TTLL11: variants seen among roughly 807,000 people sequenced by gnomAD.
The protein encoded by TTLL11 is tubulin polyglutamylase TTLL11.
A neutral mutation model predicts 51.7 loss-of-function variants in TTLL11; 42 were observed. The ratio of observed to expected loss-of-function variants is 0.81; its 90% confidence interval spans 0.64 to 1.05. The LOEUF (loss-of-function observed/expected upper bound fraction) is 1.05, where lower values mean the gene tolerates loss of function less well. Ranked by LOEUF, TTLL11 falls within the 50% of genes least tolerant of loss-of-function variation. TTLL11 has a pLI of 0.00. For missense variants in TTLL11, 799 were observed against 940.4 expected, an observed-to-expected ratio of 0.85 and a Z score of 1.97; for synonymous variants, 381 against 383.5, an observed-to-expected ratio of 0.99 and a Z score of 0.08.
intron 3 of TTLL11, among the ~76,000 whole-genome samples, chr9:122,020,969 T>C (rs893555854): frequency 2.6e-5 from 4 of 152,238 alleles, no homozygotes; most frequent in Non-Finnish European, 5.9e-5. Context: ...GTAGTCTAGA[T>C]AAAAACACTC....
At chr9:122,020,031 T>C (rs1265174842) in intron 3 of TTLL11, among the ~76,000 whole-genome samples, 2 of 152,208 alleles carry the variant, frequency 1.3e-5, no homozygotes, top group Non-Finnish European at 2.9e-5. Flanking sequence ...TTAAACCTCT[T>C]TTTCTTCATA....
intron 6 of TTLL11, among the ~76,000 whole-genome samples, chr9:121,915,433 T>C (rs1840287649): frequency 6.6e-6 from 1 of 152,226 alleles, no homozygotes; most frequent in African/African-American, 2.4e-5. Context: ...CCAAAGTTAG[T>C]TCCGCTTTCT....
At chr9:121,965,903 A>C (rs879014072) in intron 6 of TTLL11, among the ~76,000 whole-genome samples, 3 of 152,170 alleles carry the variant, frequency 2.0e-5, no homozygotes, top group Admixed American at 1.3e-4. Flanking sequence ...CAGCCACAAA[A>C]CAGAGTCCAC....
chr9:122,021,852 A>G (rs1221665241), intron 3 of TTLL11, among the ~76,000 whole-genome samples: 2 of 152,218 alleles, frequency 1.3e-5, no homozygotes, highest in Non-Finnish European at 2.9e-5. Context: ...AGAAAAATCA[A>G]AACCAACTCA....
chr9:121,888,696 A>AG (rs1334928026), intron 6 of TTLL11, among the ~76,000 whole-genome samples: 4 of 152,242 alleles, frequency 2.6e-5, no homozygotes, highest in East Asian at 1.9e-4. Context: ...AACTACGAGC[A>AG]GGGGGGTGCT....
intron 6 of TTLL11, among the ~76,000 whole-genome samples, chr9:121,895,906 TTGTG>T (rs1380155620): frequency 0.012 from 9 of 740 alleles, no homozygotes; most frequent in Admixed American, 0.061. Context: ...GTGTGTCCCT[TTGTG>T]TGGATGTGTG....
At chr9:121,983,246 A>T (rs895580270) in intron 4 of TTLL11, among the ~76,000 whole-genome samples, 1 of 152,228 alleles carries the variant, frequency 6.6e-6, no homozygotes, top group Admixed American at 6.5e-5. Context: ...TTGTTTACTG[A>T]AACAGTAAAG....
intron 4 of TTLL11, among the ~76,000 whole-genome samples, chr9:121,979,374 CATGTATACTGCGAG>C (rs1391121901): frequency 1.3e-5 from 2 of 152,310 alleles, no homozygotes; most frequent in African/African-American, 4.8e-5. Flanking sequence ...ATTCCTGATC[CATGTATACTGCGAG>C]ATAGTGGGTA....
intron 1 of TTLL11, among the ~76,000 whole-genome samples, chr9:122,060,676 T>C (rs1048022705): frequency 1.3e-5 from 2 of 152,206 alleles, no homozygotes; most frequent in Non-Finnish European, 1.5e-5. Flanking sequence ...CCAGGTCTTG[T>C]GCAAACCACT....
chr9:121,830,536 T>C (rs1041964110), intron 8 of TTLL11, among the ~76,000 whole-genome samples: 1 of 152,214 alleles, frequency 6.6e-6, no homozygotes, highest in African/African-American at 2.4e-5. Flanking sequence ...GGGCTAAAAA[T>C]GTCTACATTT....
At chr9:122,025,158 TA>T (rs140842000) in intron 3 of TTLL11, among the ~76,000 whole-genome samples, 2,885 of 150,602 alleles carry the variant, frequency 0.019, 46 homozygotes, top group Non-Finnish European at 0.03. Context: ...ACAACCCAAT[TA>T]AAAAAAAATA....
At chr9:122,044,563 A>C (rs1393391898) in intron 1 of TTLL11, among the ~76,000 whole-genome samples, 3 of 152,200 alleles carry the variant, frequency 2.0e-5, no homozygotes, top group African/African-American at 7.2e-5. Context: ...AACTGGTGTG[A>C]GATGGTATCG....
intron 4 of TTLL11, among the ~76,000 whole-genome samples, chr9:121,976,183 A>G (rs1347488309): frequency 2.0e-5 from 3 of 152,210 alleles, no homozygotes; most frequent in Admixed American, 1.3e-4. Context: ...ACCCCTGCAC[A>G]GGTGGAGTTC....
At chr9:122,059,344 T>G (rs1182403685) in intron 1 of TTLL11, among the ~76,000 whole-genome samples, 1 of 152,208 alleles carries the variant, frequency 6.6e-6, no homozygotes, top group African/African-American at 2.4e-5. Flanking sequence ...CTAAGCACTT[T>G]CAATGTATGA....
rs577481897 is a variant in TTLL11, at chr9:121,923,813, A to AT, written c.1481+50195dup. 7.2e-4 allele frequency among the ~76,000 whole-genome samples: 110 copies of AT among 152,010 alleles called. 1 individual carries two copies. The highest frequency in any genetic ancestry group is 2.4e-3 in the African/African-American group (98 of 41,462). ...TTTTCATCCTCAACTGAAAGAATTC[A>AT]TTTTTTTTAACTGCATTTGCTTTTG... On this transcript the variant is annotated intron_variant, in intron 6 of 8. Transcript: ENST00000321582.
intron 3 of TTLL11, among the ~76,000 whole-genome samples, chr9:122,008,211 C>T (rs981975526): frequency 6.6e-6 from 1 of 152,206 alleles, no homozygotes; most frequent in African/African-American, 2.4e-5. Flanking sequence ...ATGTGATGCA[C>T]AATCCAGGAC....
chr9:121,866,381 C>T (rs974880475), intron 7 of TTLL11, among the ~76,000 whole-genome samples: 8 of 152,196 alleles, frequency 5.3e-5, no homozygotes, highest in South Asian at 2.1e-4. Context: ...AAAATCCGGC[C>T]GGGTGCAGTG....
intron 6 of TTLL11, among the ~76,000 whole-genome samples, chr9:121,872,505 T>G (rs1307475686): frequency 6.6e-6 from 1 of 152,218 alleles, no homozygotes; most frequent in Non-Finnish European, 1.5e-5. Context: ...ATTGAAAAAG[T>G]TTGCAACGTA....
At chr9:121,922,680 T>C (rs1040426399) in intron 6 of TTLL11, among the ~76,000 whole-genome samples, 2 of 152,146 alleles carry the variant, frequency 1.3e-5, no homozygotes, top group Non-Finnish European at 2.9e-5. Flanking sequence ...TGAGAGAGTA[T>C]GTTAGAGCCC....
Sources: allele counts gnomAD v4.1 joint callset (sites outside exome capture counted in the v4.1 genomes callset), GRCh38; gene constraint gnomAD v4.1.1; transcripts MANE v1.5; gene names NCBI Gene and HGNC (gene_info 2026-07-23, HGNC 2026-07-21).